Variants in KCNH8 observed in about 807,000 individuals in gnomAD.
KCNH8 encodes the protein potassium voltage-gated channel subfamily H member 8, also known as voltage-gated delayed rectifier potassium channel KCNH8.
In KCNH8, 70 loss-of-function variants were observed where a neutral mutation model predicts 103.6. That is an observed-to-expected ratio of 0.68 (90% CI 0.56 to 0.82). The LOEUF (loss-of-function observed/expected upper bound fraction) is 0.82. KCNH8 is among the 40% of genes least tolerant of loss of function. KCNH8 has a pLI of 0.00. For missense variants in KCNH8, 1,217 were observed against 1,329.9 expected, an observed-to-expected ratio of 0.92 and a Z score of 1.32; for synonymous variants, 498 against 489.4, an observed-to-expected ratio of 1.02 and a Z score of -0.23.
intron 1 of KCNH8, among the ~76,000 whole-genome samples, chr3:19,191,173 C>T (rs1278707749): frequency 6.6e-6 from 1 of 151,664 alleles, no homozygotes; most frequent in Non-Finnish European, 1.5e-5. Context: ...TATGTGTGTA[C>T]TTCCACAAGA....
intron 11 of KCNH8, among the ~76,000 whole-genome samples, chr3:19,458,420 A>C (rs1172412824): frequency 6.6e-6 from 1 of 151,938 alleles, no homozygotes; most frequent in Non-Finnish European, 1.5e-5. Flanking sequence ...CTCAGCATAG[A>C]AAGTGGGAAA....
intron 7 of KCNH8, among the ~76,000 whole-genome samples, chr3:19,416,410 A>T (rs1011673105): frequency 1.3e-5 from 2 of 152,140 alleles, no homozygotes; most frequent in African/African-American, 4.8e-5. Context: ...TTTGTGTTTT[A>T]TAGTTCAAAT....
At chr3:19,281,542 C>G (rs995591860) in intron 3 of KCNH8, among the ~76,000 whole-genome samples, 5 of 151,994 alleles carry the variant, frequency 3.3e-5, no homozygotes, top group Admixed American at 6.6e-5. Flanking sequence ...TTGACAGGAA[C>G]TAGAAGTTCA....
chr3:19,190,423 GT>G (rs1212540823), intron 1 of KCNH8, among the ~76,000 whole-genome samples: 1 of 151,854 alleles, frequency 6.6e-6, no homozygotes, highest in Non-Finnish European at 1.5e-5. Context: ...AGCAGATTGA[GT>G]TTTTTATTGT....
chr3:19,165,477 GA>G (rs2063274042), intron 1 of KCNH8, among the ~76,000 whole-genome samples: 1 of 152,096 alleles, frequency 6.6e-6, no homozygotes, highest in South Asian at 2.1e-4. Context: ...AGTTAGTGTT[GA>G]TTTTTTTTGG....
rs150418602 is a variant in KCNH8 at position 19,360,257 on chromosome 3, C to G, written c.811+12292C>G. On this transcript the variant is annotated intron_variant, in intron 5 of 15. Coordinates refer to ENST00000328405, the MANE Select transcript of KCNH8 (RefSeq NM_144633.3). ...TTTGCTGGGTTATTGTTTGCAGGAG[C>G]AAAATAATGGAAACAAAGTCTATAT... Among the ~76,000 whole-genome samples the G allele has an allele frequency of 2.8e-3, 425 of 151,852 alleles. 2 individuals are homozygous for G. Among genetic ancestry groups the G allele is most frequent in the African/African-American group, 9.7e-3 (400 of 41,420 alleles).
At chr3:19,488,869 G>A (rs533156791) in intron 11 of KCNH8, among the ~76,000 whole-genome samples, 161 of 152,238 alleles carry the variant, frequency 1.1e-3, no homozygotes, top group African/African-American at 3.6e-3. Flanking sequence ...TGAGCAGCTG[G>A]TGGCAATCAG....
At chr3:19,245,070 C>G (rs2125247468) in intron 1 of KCNH8, among the ~76,000 whole-genome samples, 1 of 152,248 alleles carries the variant, frequency 6.6e-6, no homozygotes, top group East Asian at 1.9e-4. Flanking sequence ...AAGTTTTCTT[C>G]AGGATTTTTA....
At chr3:19,236,453 G>A (rs760226849) in intron 1 of KCNH8, among the ~76,000 whole-genome samples, 24 of 152,260 alleles carry the variant, frequency 1.6e-4, no homozygotes, top group East Asian at 3.9e-4. Flanking sequence ...TGTCTTTCAC[G>A]GGGAGGGAAG....
intron 1 of KCNH8, among the ~76,000 whole-genome samples, chr3:19,196,164 C>T (rs2063599915): frequency 2.0e-5 from 3 of 152,028 alleles, no homozygotes; most frequent in African/African-American, 7.2e-5. Flanking sequence ...ACTCAAGCCT[C>T]TCCTTTGTTC....
At chr3:19,345,868 C>T (rs2065722378) in intron 4 of KCNH8, among the ~76,000 whole-genome samples, 1 of 151,820 alleles carries the variant, frequency 6.6e-6, no homozygotes, top group South Asian at 2.1e-4. Context: ...AAAATGAAAC[C>T]ATGAGATTTA....
chr3:19,158,078 T>C (rs1393386573), intron 1 of KCNH8, among the ~76,000 whole-genome samples: 1 of 151,578 alleles, frequency 6.6e-6, no homozygotes, highest in Non-Finnish European at 1.5e-5. Flanking sequence ...ATATCCCATA[T>C]GTTCTACTAT....
At chr3:19,510,918 G>T (rs2068772497) in intron 12 of KCNH8, among the ~76,000 whole-genome samples, 1 of 152,140 alleles carries the variant, frequency 6.6e-6, no homozygotes, top group Non-Finnish European at 1.5e-5. Flanking sequence ...CACGCAAATA[G>T]ATTAAATTAC....
At chr3:19,531,373 C>T (rs2069158337) in intron 15 of KCNH8, among the ~76,000 whole-genome samples, 1 of 152,250 alleles carries the variant, frequency 6.6e-6, no homozygotes, top group South Asian at 2.1e-4. Context: ...TGAAGCTTGG[C>T]AGGTAATGAA....
chr3:19,506,914 G>A (rs528573264), intron 11 of KCNH8, among the ~76,000 whole-genome samples: 1 of 152,286 alleles, frequency 6.6e-6, no homozygotes, highest in South Asian at 2.1e-4. Context: ...GGCAACTGCA[G>A]CTTCCTAGAA....
intron 2 of KCNH8, among the ~76,000 whole-genome samples, chr3:19,263,046 A>ATT (rs939942241): frequency 6.6e-6 from 1 of 152,086 alleles, no homozygotes; most frequent in African/African-American, 2.4e-5. Flanking sequence ...CATTAGGCTT[A>ATT]TATAAATGGT....
At chr3:19,410,231 C>G (rs1162183231) in intron 7 of KCNH8, among the ~76,000 whole-genome samples, 1 of 151,952 alleles carries the variant, frequency 6.6e-6, no homozygotes, top group Non-Finnish European at 1.5e-5. Flanking sequence ...GAAATCAATA[C>G]AAGGAGGCCT....
At chr3:19,376,140 C>A (rs1459603407) in intron 5 of KCNH8, among the ~76,000 whole-genome samples, 1 of 151,248 alleles carries the variant, frequency 6.6e-6, no homozygotes, top group Non-Finnish European at 1.5e-5. Flanking sequence ...GTTCGAGCGT[C>A]CAGGCTGCTT....
chr3:19,376,561 G>T (rs2066209209), intron 5 of KCNH8, among the ~76,000 whole-genome samples: 2 of 152,178 alleles, frequency 1.3e-5, no homozygotes, highest in Admixed American at 1.3e-4. Context: ...CCCGTCTTCT[G>T]TGTCGCTCAC....
Sources: allele counts gnomAD v4.1 joint callset (sites outside exome capture counted in the v4.1 genomes callset), GRCh38; gene constraint gnomAD v4.1.1; transcripts MANE v1.5; gene names NCBI Gene and HGNC (gene_info 2026-07-23, HGNC 2026-07-21).